Variants in OTUD7B observed in about 807,000 individuals in gnomAD.
OTUD7B encodes the protein OTU domain-containing protein 7B.
OTUD7B carries 34 observed loss-of-function variants against 82.2 expected under a neutral mutation model. The ratio of observed to expected loss-of-function variants is 0.41; its 90% CI spans 0.31 to 0.55. The LOEUF is 0.55. OTUD7B is among the 20% of genes least tolerant of loss of function. OTUD7B has a pLI of 0.20. For missense variants in OTUD7B, 944 were observed against 1,062.1 expected (o/e 0.89, Z 1.55); for synonymous variants, 398 against 402.7 (o/e 0.99, Z 0.14).
At chr1:150,035,108 C>T in the OTUD7B span, among the ~76,000 whole-genome samples, 3 of 147,530 alleles carry the variant, frequency 2.0e-5, no homozygotes. Context: ...CGCGCCATTG[C>T]ACTACAGCTT....
Position 149,977,491 on chromosome 1 carries a change from G to A in OTUD7B, c.20C>T (p.Ala7Val). 6.2e-7 allele frequency: 1 copy of A among 1,613,948 alleles called. No individual in the cohort carries two copies. Among genetic ancestry groups the A allele is most frequent in the Non-Finnish European group, 8.5e-7 (1 of 1,179,846 alleles). Residue 7 changes from alanine (A) to valine (V), a missense_variant, in exon 2 of 12, where the codon GCT (alanine) becomes GTT (valine). By Grantham distance (64) the Ala-to-Val change is moderately conservative. Around this residue, in one of 3 missense-constraint regions of OTUD7B, gnomAD observed 530 missense variants for 625.6 expected, o/e 0.85. Coordinates refer to ENST00000581312, the MANE Select transcript of OTUD7B (RefSeq NM_020205.4). MTLDMDAVLSDFVRSTG... is the reference protein window; with the variant it reads MTLDMDVVLSDFVRSTG... Reference sequence around the variant, plus strand: ...GGAACGGACAAAATCTGACAGAACAGCATCCATGTCCAGGGTCATGTGATC... The same window carrying A: ...GGAACGGACAAAATCTGACAGAACAACATCCATGTCCAGGGTCATGTGATC...
intron 7 of OTUD7B, among the ~76,000 whole-genome samples, chr1:149,951,025 C>T (rs1465210688): frequency 3.6e-5 from 4 of 112,162 alleles, no homozygotes; most frequent in African/African-American, 1.1e-4. Flanking sequence ...CTCTTTCGCC[C>T]AGACTGGAGT....
At chr1:150,033,840 G>A in the OTUD7B span, among the ~76,000 whole-genome samples, 4 of 152,032 alleles carry the variant, frequency 2.6e-5, no homozygotes, top group African/African-American at 4.8e-5. Flanking sequence ...TCCTGCCTCA[G>A]CCTCCCAAGT....
In OTUD7B at chr1:149,942,091, AACAC is replaced by A. The variant is rs1308579798; in HGVS notation, c.*1762_*1765del. The A allele has an allele frequency of 1.3e-5, 2 of 152,620 alleles. No individual in the cohort carries two copies. Among genetic ancestry groups the A allele is most frequent in the Non-Finnish European group, 2.9e-5 (2 of 68,042 alleles). The allele number at this position is 152,620 out of a possible 1,614,324, so 9.5% of individuals were successfully genotyped here. On this transcript the variant is annotated 3_prime_UTR_variant, in exon 12 of 12. Transcript: ENST00000581312. ...ATCTTGACTGGCTACCGAGGAGGAAAACACACACACATATGCACGCACGCACATG... is the reference window on the plus strand; with the variant it reads ...ATCTTGACTGGCTACCGAGGAGGAAAACACACATATGCACGCACGCACATG...
chr1:150,042,041 CTTTA>C, the OTUD7B span, among the ~76,000 whole-genome samples: 33 of 151,364 alleles, frequency 2.2e-4, no homozygotes, highest in South Asian at 3.6e-3. Flanking sequence ...TTCTTTCTTT[CTTTA>C]TTTATTTTTT....
intron 2 of OTUD7B, among the ~76,000 whole-genome samples, chr1:149,971,462 T>C (rs1553777681): frequency 6.6e-6 from 1 of 152,164 alleles, no homozygotes; most frequent in Non-Finnish European, 1.5e-5. Context: ...CCTAAGTAAG[T>C]GCCATGAAAA....
chr1:149,951,988 G>GTC (rs1553773573), intron 7 of OTUD7B, among the ~76,000 whole-genome samples: 13 of 151,676 alleles, frequency 8.6e-5, no homozygotes, highest in Admixed American at 2.0e-4. Flanking sequence ...GCACTTTCAG[G>GTC]AATGCACCCA....
At chr1:150,060,796 T>C in the OTUD7B span, among the ~76,000 whole-genome samples, 1 of 152,228 alleles carries the variant, frequency 6.6e-6, no homozygotes, top group African/African-American at 2.4e-5. Context: ...AAATGAAGCA[T>C]CAGCATTATA....
chr1:150,018,020 G>A, the OTUD7B span, among the ~76,000 whole-genome samples: 1 of 152,136 alleles, frequency 6.6e-6, no homozygotes, highest in African/African-American at 2.4e-5. Flanking sequence ...ATGGTCTATG[G>A]ACGAGCCTGC....
chr1:149,943,634 C>T lies in OTUD7B; in HGVS notation c.*223G>A, dbSNP rs1174726154. 1 of 562,910 alleles carries T rather than the reference C, an allele frequency of 1.8e-6. No homozygotes were observed. Among genetic ancestry groups the T allele is most frequent in the Non-Finnish European group, 3.2e-6 (1 of 316,356 alleles). 34.9% of individuals were successfully genotyped at this position (562,910 alleles called of 1,614,324 possible). A position where few individuals can be genotyped will look rare whatever the true frequency, so the allele number is the denominator to read the frequency against. On this transcript the variant is annotated 3_prime_UTR_variant, in exon 12 of 12. Transcript: ENST00000581312. ...CCTTGTACCTCAAACCTCATCAAGTCAAGCTCTGCAGAGGAATAGTACAGC... is the reference window on the plus strand; with the variant it reads ...CCTTGTACCTCAAACCTCATCAAGTTAAGCTCTGCAGAGGAATAGTACAGC...
At chr1:150,058,599 G>A in the OTUD7B span, among the ~76,000 whole-genome samples, 2 of 152,128 alleles carry the variant, frequency 1.3e-5, no homozygotes, top group Non-Finnish European at 2.9e-5. Context: ...CCTCATCCCA[G>A]ATCCATTGAC....
chr1:150,000,343 C>T lies in OTUD7B; in HGVS notation c.-67+10105G>A, dbSNP rs891499503. On this transcript the variant is annotated intron_variant, in intron 1 of 11. Coordinates refer to ENST00000581312, the MANE Select transcript of OTUD7B (RefSeq NM_020205.4). The stretch of plus-strand genomic sequence containing the variant: ...TACAAAAATTAGCCGGGTGTGGTAG[C>T]GCGCACCTGTAGTCCCAGCTACTTG... 1.1e-4 allele frequency among the ~76,000 whole-genome samples: 17 copies of T among 151,954 alleles called. No homozygotes were observed. In the South Asian group the frequency reaches 1.5e-3, roughly 13 times the overall value.
intron 1 of OTUD7B, among the ~76,000 whole-genome samples, chr1:150,003,405 C>A (rs1652438275): frequency 6.6e-6 from 1 of 152,126 alleles, no homozygotes; most frequent in Non-Finnish European, 1.5e-5. Flanking sequence ...ATGGTATTTT[C>A]TCAGACTGGA....
chr1:150,001,318 TAG>T (rs1215770281), intron 1 of OTUD7B, among the ~76,000 whole-genome samples: 4 of 152,114 alleles, frequency 2.6e-5, no homozygotes, highest in African/African-American at 9.7e-5. Context: ...ATTTGATGAA[TAG>T]AGGAGTCAAC....
the OTUD7B span, among the ~76,000 whole-genome samples, chr1:150,046,178 G>T: frequency 1.3e-5 from 2 of 152,126 alleles, no homozygotes; most frequent in African/African-American, 2.4e-5. Flanking sequence ...AGTTGCAGTT[G>T]TGTGGCATAT....
At chr1:150,004,687 T>C (rs1485619959) in intron 1 of OTUD7B, among the ~76,000 whole-genome samples, 2 of 152,008 alleles carry the variant, frequency 1.3e-5, no homozygotes, top group Non-Finnish European at 2.9e-5. Context: ...CCTACCCACC[T>C]TCATTTCACT....
intron 7 of OTUD7B, 48 bp from the exon 8 acceptor site, chr1:149,950,269 G>A (rs1648088261): frequency 5.6e-6 from 9 of 1,601,298 alleles, no homozygotes; most frequent in Non-Finnish European, 7.7e-6. Flanking sequence ...GTAAAAATGA[G>A]AGAGTAGAAA....
the OTUD7B span, chr1:150,054,874 T>C: frequency 2.6e-5 from 5 of 192,146 alleles, no homozygotes; most frequent in East Asian, 6.1e-4. Flanking sequence ...ATGTTCCATA[T>C]AGAAAGAGAA....
intron 2 of OTUD7B, among the ~76,000 whole-genome samples, chr1:149,973,117 C>T (rs112244717): frequency 2.6e-5 from 4 of 152,290 alleles, no homozygotes; most frequent in African/African-American, 9.6e-5. Flanking sequence ...ATTTGAGGTC[C>T]TCATAATCTT....
Sources: gnomAD v4.1 joint callset for allele counts (sites outside exome capture counted in the v4.1 genomes callset) on GRCh38, gnomAD v4.1.1 for gene constraint, gnomAD v4.1.1 regional missense constraint, MANE v1.5 for transcripts, NCBI Gene and HGNC (gene_info 2026-07-23, HGNC 2026-07-21) for gene names.